The following PCED1B variants were observed in gnomAD, a reference collection of about 807,000 sequenced individuals.
PCED1B encodes the protein PC-esterase domain-containing protein 1B.
For missense variants in PCED1B, 573 were observed against 573.9 expected, an observed-to-expected ratio of 1.00 and a Z score of 0.02; for synonymous variants, 251 against 246.1, an observed-to-expected ratio of 1.02 and a Z score of -0.19.
intron 3 of PCED1B, among the ~76,000 whole-genome samples, chr12:47,222,873 G>A (rs1943526766): frequency 6.6e-6 from 1 of 152,100 alleles, no homozygotes; most frequent in South Asian, 2.1e-4. Context: ...AATTGATAAG[G>A]GGATGGTCCG....
chr12:47,095,674 G>A (rs1592135870), intron 1 of PCED1B, among the ~76,000 whole-genome samples: 1 of 152,066 alleles, frequency 6.6e-6, no homozygotes, highest in East Asian at 1.9e-4. Flanking sequence ...CACTAATTAT[G>A]CTGTGTGTCA....
chr12:47,135,113 T>C (rs1437898161), intron 2 of PCED1B, among the ~76,000 whole-genome samples: 3 of 152,204 alleles, frequency 2.0e-5, no homozygotes, highest in African/African-American at 7.2e-5. Context: ...TTTAGTTTGT[T>C]GCCATTACAA....
At chr12:47,228,748 C>G (rs1031417524) in intron 3 of PCED1B, among the ~76,000 whole-genome samples, 24 of 151,804 alleles carry the variant, frequency 1.6e-4, no homozygotes, top group African/African-American at 5.8e-4. Context: ...TGATGCACAC[C>G]TGTAATCCCA....
At chr12:47,198,791 C>A (rs1163674960) in intron 2 of PCED1B, among the ~76,000 whole-genome samples, 2 of 151,814 alleles carry the variant, frequency 1.3e-5, no homozygotes, top group African/African-American at 2.4e-5. Context: ...ATGGTGAAAC[C>A]CTGTCTCTAC....
At chr12:47,186,172 C>T (rs1478475869) in intron 2 of PCED1B, among the ~76,000 whole-genome samples, 16 of 150,036 alleles carry the variant, frequency 1.1e-4, no homozygotes, top group South Asian at 6.4e-4. Flanking sequence ...GAGCCAAGAT[C>T]GCGCCCCTGC....
At chr12:47,135,501 G>C in intron 2 of PCED1B, 1 of 471,382 alleles carries the variant, frequency 2.1e-6, no homozygotes, top group Non-Finnish European at 4.3e-6. Context: ...GAGAGACTTG[G>C]AAGATCAGCA....
At position 47,205,714 on chromosome 12, in the gene PCED1B, A is replaced by C. The variant is rs867659214; in HGVS notation, c.-525-10508A>C. Among the ~76,000 whole-genome samples, 3 of 151,720 alleles carry C rather than the reference A, an allele frequency of 2.0e-5. No homozygotes were observed. The South Asian group carries it at 6.2e-4, about 32-fold the overall frequency. Reference sequence around the variant, plus strand: ...TGAATAGGAGGAAAGAAAGAGAGGGAAAGAGGGAGAAGAGGAGGGAGGAAA... The same window carrying C: ...TGAATAGGAGGAAAGAAAGAGAGGGCAAGAGGGAGAAGAGGAGGGAGGAAA... On this transcript the variant is annotated intron_variant, in intron 2 of 3. Coordinates refer to ENST00000546455, the MANE Select transcript of PCED1B (RefSeq NM_138371.3).
intron 1 of PCED1B, among the ~76,000 whole-genome samples, chr12:47,100,137 A>C (rs1311751459): frequency 6.6e-6 from 1 of 152,264 alleles, no homozygotes; most frequent in African/African-American, 2.4e-5. Context: ...TCATTCAGAA[A>C]GGAACACAGT....
At chr12:47,082,240 C>T (rs1937768355) in intron 1 of PCED1B, among the ~76,000 whole-genome samples, 1 of 152,188 alleles carries the variant, frequency 6.6e-6, no homozygotes, top group Non-Finnish European at 1.5e-5. Flanking sequence ...ATTCTCAGCT[C>T]TCAGAACCCT....
At chr12:47,080,782 C>T (rs868856607) in intron 1 of PCED1B, among the ~76,000 whole-genome samples, 11 of 152,044 alleles carry the variant, frequency 7.2e-5, no homozygotes, top group South Asian at 6.2e-4. Flanking sequence ...CTCTCTTCTC[C>T]TTCCCCTCTT....
At chr12:47,134,253 T>C (rs889434753) in intron 2 of PCED1B, among the ~76,000 whole-genome samples, 2 of 152,234 alleles carry the variant, frequency 1.3e-5, no homozygotes, top group African/African-American at 2.4e-5. Context: ...ACGAAATTAG[T>C]ACAGGAGATT....
chr12:47,200,601 G>A (rs983083855), intron 2 of PCED1B, among the ~76,000 whole-genome samples: 1 of 152,188 alleles, frequency 6.6e-6, no homozygotes, highest in African/African-American at 2.4e-5. Flanking sequence ...TTACCCAAGT[G>A]AGTTGGCATT....
At chr12:47,146,461 C>T (rs923318715) in intron 2 of PCED1B, among the ~76,000 whole-genome samples, 1 of 152,036 alleles carries the variant, frequency 6.6e-6, no homozygotes, top group Non-Finnish European at 1.5e-5. Flanking sequence ...TCGCATGCTA[C>T]AGAAAAAAAT....
At chr12:47,146,108 G>A (rs905561756) in intron 2 of PCED1B, among the ~76,000 whole-genome samples, 6 of 152,306 alleles carry the variant, frequency 3.9e-5, no homozygotes, top group Admixed American at 6.5e-5. Flanking sequence ...GTTCTCATGG[G>A]TGACTTTAAG....
At position 47,093,406 on chromosome 12, in the gene PCED1B, T is replaced by C. The variant is rs1357005252; in HGVS notation, c.-608-10707T>C. ...TTGATCAGTCTTCTTTAGATTTTGA[T>C]GTTTTTAAACAACTGACTTTGGCTT... is the stretch of plus-strand genomic sequence containing the variant. On this transcript the variant is annotated intron_variant, in intron 1 of 3. Transcript: ENST00000546455. Among the ~76,000 whole-genome samples the C allele has an allele frequency of 2.6e-5, 4 of 151,878 alleles. No individual in the cohort carries two copies. In the South Asian group the frequency reaches 8.3e-4, roughly 31 times the overall value.
At chr12:47,139,238 A>T (rs1044667179) in intron 2 of PCED1B, among the ~76,000 whole-genome samples, 1 of 152,188 alleles carries the variant, frequency 6.6e-6, no homozygotes, top group African/African-American at 2.4e-5. Flanking sequence ...AGGATGTTAG[A>T]CTAAATTAGA....
chr12:47,222,422 C>CA (rs750444043), intron 3 of PCED1B, among the ~76,000 whole-genome samples: 2,139 of 81,516 alleles, frequency 0.026, 53 homozygotes, highest in Non-Finnish European at 0.033. Flanking sequence ...AACTCCATCT[C>CA]AAAAAAAAAA....
intron 2 of PCED1B, among the ~76,000 whole-genome samples, chr12:47,173,193 A>G (rs952539373): frequency 6.6e-6 from 1 of 152,228 alleles, no homozygotes; most frequent in Non-Finnish European, 1.5e-5. Context: ...AAAGTTGTAG[A>G]TTCCTTCAAA....
chr12:47,198,734 G>A (rs758919925), intron 2 of PCED1B, among the ~76,000 whole-genome samples: 1 of 152,118 alleles, frequency 6.6e-6, no homozygotes. Flanking sequence ...GGTGGCCAAG[G>A]CAGGCGGATC....
Sources: gnomAD v4.1 joint callset for allele counts (sites outside exome capture counted in the v4.1 genomes callset) on GRCh38, gnomAD v4.1.1 for gene constraint, MANE v1.5 for transcripts, NCBI Gene and HGNC (gene_info 2026-07-23, HGNC 2026-07-21) for gene names.